The following TMEM232 variants were observed in gnomAD, a reference collection of about 807,000 sequenced individuals.
TMEM232 encodes the protein transmembrane protein 232.
In TMEM232, 80 loss-of-function variants were observed where a neutral mutation model predicts 78.8. That is an observed-to-expected ratio of 1.01 (90% CI 0.85 to 1.22). TMEM232 has a LOEUF of 1.22. TMEM232 is among the 50% of genes most tolerant of loss of function. The pLI is 0.00. For synonymous variants in TMEM232, 297 were observed against 254.3 expected (o/e 1.17, Z -1.60); for missense variants, 881 against 742.2 (o/e 1.19, Z -2.17).
At chr5:110,666,952 A>T (rs1010861459) in intron 2 of TMEM232, 10 of 261,880 alleles carry the variant, frequency 3.8e-5, no homozygotes, top group Admixed American at 5.6e-5. Context: ...ATGCTTCATG[A>T]TACAGGAGTT....
At chr5:110,480,560 C>T (rs1763749800) in intron 12 of TMEM232, among the ~76,000 whole-genome samples, 1 of 151,930 alleles carries the variant, frequency 6.6e-6, no homozygotes, top group African/African-American at 2.4e-5. Flanking sequence ...CTATTTTTTC[C>T]TAAAGTTCAT....
chr5:110,713,739 T>TA (rs202016640), intron 1 of TMEM232, among the ~76,000 whole-genome samples: 2,990 of 152,014 alleles, frequency 0.02, 76 homozygotes, highest in African/African-American at 0.057. Flanking sequence ...TTTATCTTCT[T>TA]AAAAAAAATC....
intron 2 of TMEM232, among the ~76,000 whole-genome samples, chr5:110,649,281 A>G (rs1392089871): frequency 1.3e-5 from 2 of 152,124 alleles, no homozygotes; most frequent in African/African-American, 4.8e-5. Flanking sequence ...TATGTTGATG[A>G]AGACAGCACT....
intron 10 of TMEM232, among the ~76,000 whole-genome samples, chr5:110,581,138 T>G (rs547536189): frequency 1.3e-4 from 20 of 151,962 alleles, no homozygotes; most frequent in African/African-American, 4.3e-4. Flanking sequence ...CCAGTATTAT[T>G]TTTTACAGAA....
chr5:110,421,963 C>A (rs527562559), intron 13 of TMEM232, among the ~76,000 whole-genome samples: 1 of 152,138 alleles, frequency 6.6e-6, no homozygotes, highest in Non-Finnish European at 1.5e-5. Context: ...TTCTCAGGAA[C>A]CAGTTTTGCA....
At chr5:110,598,021 A>C (rs1203408466) in intron 10 of TMEM232, among the ~76,000 whole-genome samples, 3 of 152,186 alleles carry the variant, frequency 2.0e-5, no homozygotes, top group Admixed American at 6.5e-5. Context: ...ATGGGATCTA[A>C]TTAAACTAAA....
At chr5:110,581,505 C>A (rs1407657309) in intron 10 of TMEM232, among the ~76,000 whole-genome samples, 2 of 151,868 alleles carry the variant, frequency 1.3e-5, no homozygotes, top group Non-Finnish European at 2.9e-5. Flanking sequence ...AAACTATATA[C>A]AAAAATTAAT....
chr5:110,503,524 G>A (rs1049633846), intron 12 of TMEM232, among the ~76,000 whole-genome samples: 4 of 152,090 alleles, frequency 2.6e-5, no homozygotes, highest in African/African-American at 9.7e-5. Context: ...GAAGATCAGG[G>A]TGCTGAGGGA....
chr5:110,705,897 C>A (rs1033500892), intron 1 of TMEM232, among the ~76,000 whole-genome samples: 1 of 151,578 alleles, frequency 6.6e-6, no homozygotes, highest in African/African-American at 2.4e-5. Flanking sequence ...ATTTCAACCC[C>A]CCTCCAAAAT....
At chr5:110,530,561 T>C (rs1332541606) in intron 11 of TMEM232, among the ~76,000 whole-genome samples, 1 of 152,014 alleles carries the variant, frequency 6.6e-6, no homozygotes, top group Admixed American at 6.6e-5. Context: ...TAGAAGAAAA[T>C]TCTACCATTT....
intron 5 of TMEM232, among the ~76,000 whole-genome samples, chr5:110,637,529 TA>T (rs1158517294): frequency 6.6e-6 from 1 of 151,900 alleles, no homozygotes; most frequent in Non-Finnish European, 1.5e-5. Flanking sequence ...CATTTCTGCA[TA>T]ATCAATTTAA....
At chr5:110,564,284 GA>G (rs554997592) in intron 11 of TMEM232, among the ~76,000 whole-genome samples, 8 of 151,682 alleles carry the variant, frequency 5.3e-5, no homozygotes, top group East Asian at 1.9e-4. Context: ...TAAGACGTAA[GA>G]AAAAAAAGTG....
At chr5:110,540,003 C>G (rs1276520706) in intron 11 of TMEM232, among the ~76,000 whole-genome samples, 1 of 152,058 alleles carries the variant, frequency 6.6e-6, no homozygotes, top group African/African-American at 2.4e-5. Context: ...ATAGTAAAGC[C>G]CCTGTATGAA....
At chr5:110,626,800 C>T (rs1784481049) in intron 6 of TMEM232, among the ~76,000 whole-genome samples, 1 of 152,044 alleles carries the variant, frequency 6.6e-6, no homozygotes, top group Admixed American at 6.6e-5. Flanking sequence ...TTCAGACCTT[C>T]TACTATTTAA....
chr5:110,458,305 G>A (rs77647126), intron 12 of TMEM232, among the ~76,000 whole-genome samples: 4,806 of 150,646 alleles, frequency 0.032, 297 homozygotes, highest in East Asian at 0.26. Flanking sequence ...TGTCTCCAGT[G>A]CTCTAGTACA....
At chr5:110,516,759 G>T (rs1001981387) in intron 12 of TMEM232, among the ~76,000 whole-genome samples, 2 of 152,108 alleles carry the variant, frequency 1.3e-5, no homozygotes, top group Non-Finnish European at 2.9e-5. Flanking sequence ...AAGCCATTCA[G>T]AGCAAAACAT....
intron 2 of TMEM232, among the ~76,000 whole-genome samples, chr5:110,733,503 TA>T (rs1314824891): frequency 3.3e-5 from 5 of 152,032 alleles, no homozygotes; most frequent in African/African-American, 4.8e-5. Flanking sequence ...TATGCAGCCA[TA>T]AAAAAGAACA....
chr5:110,441,939 T>A (rs138046262), intron 12 of TMEM232, among the ~76,000 whole-genome samples: 1 of 152,098 alleles, frequency 6.6e-6, no homozygotes, highest in Non-Finnish European at 1.5e-5. Context: ...TTTAAACATG[T>A]CATGCCACTC....
At chr5:110,589,546 T>C (rs1315204950) in intron 10 of TMEM232, among the ~76,000 whole-genome samples, 2 of 152,198 alleles carry the variant, frequency 1.3e-5, no homozygotes, top group African/African-American at 4.8e-5. Context: ...CAGTTATTAG[T>C]ATGGACTCCA....
Sources: gnomAD v4.1 joint callset for allele counts (sites outside exome capture counted in the v4.1 genomes callset) on GRCh38, gnomAD v4.1.1 for gene constraint, MANE v1.5 for transcripts, NCBI Gene and HGNC (gene_info 2026-07-23, HGNC 2026-07-21) for gene names.